Variants in ARSB observed in about 807,000 individuals in gnomAD.
ARSB encodes the protein arylsulfatase B.
In ARSB, 41 loss-of-function variants were observed where a neutral mutation model predicts 50.9. The ratio of observed to expected loss-of-function variants is 0.81; its 90% CI spans 0.63 to 1.04. The LOEUF (loss-of-function observed/expected upper bound fraction) is 1.04, where lower values mean the gene tolerates loss of function less well. Among genes scored for constraint, ARSB ranks in the 50% least tolerant of loss-of-function variants. The pLI is 0.00. For synonymous variants in ARSB, 269 were observed against 284.8 expected, an observed-to-expected ratio of 0.94 and a Z score of 0.56; for missense variants, 672 against 693.3, an observed-to-expected ratio of 0.97 and a Z score of 0.35.
At chr5:78,899,186 A>C (rs964157852) in intron 4 of ARSB, among the ~76,000 whole-genome samples, 2 of 152,086 alleles carry the variant, frequency 1.3e-5, no homozygotes, top group African/African-American at 4.8e-5. Context: ...TTGCCACATG[A>C]ATTAGAGCTA....
intron 4 of ARSB, among the ~76,000 whole-genome samples, chr5:78,938,738 G>A (rs759082001): frequency 1.3e-5 from 2 of 152,304 alleles, no homozygotes; most frequent in African/African-American, 4.8e-5. Flanking sequence ...GAAAAGGGAC[G>A]TAAGATTTAG....
chr5:78,943,077 G>A (rs1343387445), intron 4 of ARSB, among the ~76,000 whole-genome samples: 5 of 152,144 alleles, frequency 3.3e-5, no homozygotes, highest in Admixed American at 3.3e-4. Flanking sequence ...TTTAAAGTCT[G>A]TTTTATCAGA....
At chr5:78,815,878 T>C in intron 6 of ARSB, 1 of 1,411,774 alleles carries the variant, frequency 7.1e-7, no homozygotes, top group Non-Finnish European at 9.2e-7. Context: ...TCTGTGGTAG[T>C]TTATGGTTGA....
intron 5 of ARSB, among the ~76,000 whole-genome samples, chr5:78,842,445 T>C (rs544068016): frequency 5.5e-4 from 84 of 152,244 alleles, no homozygotes; most frequent in African/African-American, 1.9e-3. Context: ...GAATGCCATA[T>C]ATAGGAAGAG....
At chr5:78,797,985 C>T (rs1028452161) in intron 6 of ARSB, among the ~76,000 whole-genome samples, 3 of 152,118 alleles carry the variant, frequency 2.0e-5, no homozygotes, top group Non-Finnish European at 4.4e-5. Context: ...AGGGGAAATA[C>T]TCCATGGAGA....
chr5:78,972,516 T>TACACACACACACAC (rs59035274), intron 1 of ARSB, among the ~76,000 whole-genome samples: 2,746 of 145,630 alleles, frequency 0.019, 30 homozygotes, highest in African/African-American at 0.029. Context: ...CACGCATACG[T>TACACACACACACAC]ACACACACAC....
intron 4 of ARSB, among the ~76,000 whole-genome samples, chr5:78,951,673 C>T (rs1398653539): frequency 1.3e-5 from 2 of 152,104 alleles, no homozygotes; most frequent in African/African-American, 4.8e-5. Context: ...AGTTTCAGGG[C>T]TCACTATATT....
intron 6 of ARSB, among the ~76,000 whole-genome samples, chr5:78,803,850 C>T (rs182161908): frequency 5.4e-4 from 82 of 152,264 alleles, no homozygotes; most frequent in African/African-American, 1.8e-3. Context: ...TGGTTTTATC[C>T]CATTTGATGG....
rs149106420 is a variant in ARSB at position 78,959,255 on chromosome 5, T to C, written c.691-3753A>G. Among the ~76,000 whole-genome samples, 91 of 152,254 alleles carry C rather than the reference T, an allele frequency of 6.0e-4. 1 individual carries two copies. The East Asian group carries it at 0.016, about 26-fold the overall frequency. ...CTTGTTTGCTTCCCCTTCCACACCA[T>C]TGTAAGTTTCCTGAGGCCTCCCCAG... On this transcript the variant is annotated intron_variant, in intron 3 of 7. Transcript: ENST00000264914.
chr5:78,824,760 G>A (rs563766186), intron 6 of ARSB, among the ~76,000 whole-genome samples: 1 of 152,202 alleles, frequency 6.6e-6, no homozygotes, highest in Non-Finnish European at 1.5e-5. Context: ...TGCTGAGAGA[G>A]ACAGTAGCTC....
chr5:78,807,815 C>T (rs1278512418), intron 6 of ARSB, among the ~76,000 whole-genome samples: 1 of 152,062 alleles, frequency 6.6e-6, no homozygotes, highest in Admixed American at 6.6e-5. Flanking sequence ...AAACATAGGC[C>T]GGGCGCGGTG....
chr5:78,922,472 G>A (rs959636981), intron 4 of ARSB, among the ~76,000 whole-genome samples: 1 of 151,918 alleles, frequency 6.6e-6, no homozygotes, highest in African/African-American at 2.4e-5. Flanking sequence ...CTACCTTGAA[G>A]GGAAGAACCC....
At chr5:78,953,251 T>A (rs1026829483) in intron 4 of ARSB, among the ~76,000 whole-genome samples, 13 of 152,240 alleles carry the variant, frequency 8.5e-5, no homozygotes, top group African/African-American at 3.1e-4. Flanking sequence ...CAGCACACCA[T>A]ATGGAAAGCT....
chr5:78,967,837 T>C (rs1309528769), intron 2 of ARSB, among the ~76,000 whole-genome samples: 3 of 152,152 alleles, frequency 2.0e-5, no homozygotes, highest in Admixed American at 2.0e-4. Context: ...TATGTGTTCC[T>C]TTTTGGCTAC....
At chr5:78,939,652 G>C (rs1237890789) in intron 4 of ARSB, among the ~76,000 whole-genome samples, 1 of 152,134 alleles carries the variant, frequency 6.6e-6, no homozygotes, top group African/African-American at 2.4e-5. Flanking sequence ...TGGTGTGTAT[G>C]TGCCACATTT....
At chr5:78,827,895 C>T (rs1019256980) in intron 6 of ARSB, among the ~76,000 whole-genome samples, 7 of 151,646 alleles carry the variant, frequency 4.6e-5, no homozygotes, top group Middle Eastern at 3.2e-3. Flanking sequence ...TGAGAGTTTC[C>T]GGTCAAACAG....
intron 6 of ARSB, among the ~76,000 whole-genome samples, chr5:78,802,040 G>A (rs1388670592): frequency 6.6e-6 from 1 of 152,040 alleles, no homozygotes; most frequent in East Asian, 1.9e-4. Context: ...CAACCACACT[G>A]GTTTCCTTCA....
rs574003366 is a variant in ARSB, at chr5:78,893,108, G to A, written c.899-7281C>T. Among the ~76,000 whole-genome samples the A allele has an allele frequency of 3.3e-5, 5 of 152,254 alleles. No individual in the cohort carries two copies. The East Asian group carries it at 5.8e-4, about 18-fold the overall frequency. ...TCTCGTGGTAGTGAACAAGCTTCAC[G>A]AGAGCTGATGATTTTAAAAGGGGTT... On this transcript the variant is annotated intron_variant, in intron 4 of 7. Coordinates refer to ENST00000264914, the MANE Select transcript of ARSB (RefSeq NM_000046.5).
intron 4 of ARSB, among the ~76,000 whole-genome samples, chr5:78,901,274 C>T (rs919495991): frequency 5.3e-5 from 8 of 152,020 alleles, no homozygotes; most frequent in African/African-American, 1.9e-4. Context: ...TTCACAGGTT[C>T]CAGGCTTTAG....
Sources: allele counts gnomAD v4.1 joint callset (sites outside exome capture counted in the v4.1 genomes callset), GRCh38; gene constraint gnomAD v4.1.1; transcripts MANE v1.5; gene names NCBI Gene and HGNC (gene_info 2026-07-23, HGNC 2026-07-21).